The following LRP1B variants were observed in gnomAD, a reference collection of about 807,000 sequenced individuals.
LRP1B encodes the protein LDL receptor related protein 1B.
LRP1B carries 217 observed loss-of-function variants against 556.6 expected under a neutral mutation model. That is an observed-to-expected ratio of 0.39 (90% CI 0.35 to 0.44). LRP1B has a LOEUF of 0.44. Among genes scored for constraint, LRP1B ranks in the 20% least tolerant of loss-of-function variants. The probability of loss-of-function intolerance (pLI) is 1.00; values close to 1 mark genes in which losing one functional copy is unlikely to be tolerated. For synonymous variants in LRP1B, 2,047 were observed against 1,865.8 expected (o/e 1.10, Z -2.50); for missense variants, 5,053 against 5,620.8 (o/e 0.90, Z 3.23).
At position 140,702,436 on chromosome 2, in the gene LRP1B, G is replaced by A. The variant is rs1393351438; in HGVS notation, c.6141C>T (p.Ile2047=). ...MGIAWPNGIS[I]DYEENKLYWC... ...AAGAAATCCAACAGACCTCATAGTC[G>A]ATGGAGATGCCATTCGGCCATGCTA... The change falls in exon 38 of 91, where the codon ATC becomes ATT. Residue 2047 remains isoleucine, a synonymous_variant. Coordinates refer to ENST00000389484, the MANE Select transcript of LRP1B (RefSeq NM_018557.3). 3.1e-6 allele frequency: 5 copies of A among 1,613,380 alleles called. No homozygotes were observed. The highest frequency in any genetic ancestry group is 1.3e-5 in the African/African-American group (1 of 74,850).
intron 52 of LRP1B, among the ~76,000 whole-genome samples, chr2:140,509,335 G>C (rs1458697080): frequency 6.6e-6 from 1 of 152,082 alleles, no homozygotes. Context: ...TTTTACTGTT[G>C]AGTAATGCCC....
At chr2:140,796,198 CA>C (rs904845385) in intron 32 of LRP1B, among the ~76,000 whole-genome samples, 3 of 151,830 alleles carry the variant, frequency 2.0e-5, no homozygotes, top group Admixed American at 2.0e-4. Context: ...TAGCAGTTTA[CA>C]AAGAAGAAAC....
At chr2:141,418,414 T>C (rs997274600) in intron 3 of LRP1B, among the ~76,000 whole-genome samples, 1 of 150,282 alleles carries the variant, frequency 6.7e-6, no homozygotes, top group South Asian at 2.1e-4. Context: ...TTTTGTGTAG[T>C]GTAAAACAGA....
At chr2:140,911,581 C>T (rs1694420661) in intron 21 of LRP1B, among the ~76,000 whole-genome samples, 1 of 151,714 alleles carries the variant, frequency 6.6e-6, no homozygotes, top group Non-Finnish European at 1.5e-5. Context: ...GAAATATAAG[C>T]AAGCATAAAG....
intron 7 of LRP1B, among the ~76,000 whole-genome samples, chr2:141,095,806 G>T (rs1700283506): frequency 1.3e-5 from 2 of 152,006 alleles, no homozygotes; most frequent in Admixed American, 6.6e-5. Context: ...TGCTGGCTAG[G>T]CAGGTGTCTG....
At chr2:141,978,546 G>A (rs964408267) in intron 1 of LRP1B, among the ~76,000 whole-genome samples, 3 of 151,906 alleles carry the variant, frequency 2.0e-5, no homozygotes, top group Non-Finnish European at 4.4e-5. Flanking sequence ...CTTCTAGTGG[G>A]CTTTCAAAAG....
At chr2:140,850,603 G>A (rs539092024) in intron 28 of LRP1B, among the ~76,000 whole-genome samples, 6 of 152,034 alleles carry the variant, frequency 3.9e-5, no homozygotes, top group East Asian at 1.9e-4. Flanking sequence ...TTAGAATTTC[G>A]AAGTTGCTAA....
At chr2:141,708,874 G>A (rs979446120) in intron 2 of LRP1B, among the ~76,000 whole-genome samples, 12 of 152,110 alleles carry the variant, frequency 7.9e-5, no homozygotes, top group African/African-American at 2.7e-4. Context: ...TGCAAGCCAA[G>A]GAGAGAGGCC....
intron 18 of LRP1B, among the ~76,000 whole-genome samples, chr2:140,975,566 G>A (rs1474907025): frequency 2.0e-5 from 3 of 152,152 alleles, no homozygotes; most frequent in Non-Finnish European, 4.4e-5. Flanking sequence ...CTTTGACTAA[G>A]ATATAATATT....
intron 2 of LRP1B, among the ~76,000 whole-genome samples, chr2:141,538,661 C>A (rs1574058096): frequency 8.1e-6 from 1 of 124,100 alleles, no homozygotes; most frequent in Non-Finnish European, 1.9e-5. Context: ...TTTTGAGACA[C>A]AGTCTCGCTC....
At chr2:141,875,102 A>G (rs1297272250) in intron 1 of LRP1B, among the ~76,000 whole-genome samples, 1 of 151,716 alleles carries the variant, frequency 6.6e-6, no homozygotes, top group East Asian at 1.9e-4. Flanking sequence ...TGTGATGTAT[A>G]TATTATACAC....
At chr2:140,537,482 T>C (rs1238197447) in intron 45 of LRP1B, among the ~76,000 whole-genome samples, 1 of 151,964 alleles carries the variant, frequency 6.6e-6, no homozygotes, top group Non-Finnish European at 1.5e-5. Flanking sequence ...GTTATATTGT[T>C]TGGAAATATT....
At chr2:141,599,735 C>T (rs1448485903) in intron 2 of LRP1B, among the ~76,000 whole-genome samples, 1 of 151,700 alleles carries the variant, frequency 6.6e-6, no homozygotes, top group East Asian at 1.9e-4. Context: ...CAAAAACACT[C>T]GAATAGCAAT....
intron 15 of LRP1B, among the ~76,000 whole-genome samples, chr2:141,000,481 T>C (rs1293445546): frequency 1.3e-5 from 2 of 152,056 alleles, no homozygotes; most frequent in Non-Finnish European, 2.9e-5. Flanking sequence ...GAATATGGTA[T>C]AGGAGGGCTT....
At chr2:140,673,422 T>G (rs577035670) in intron 41 of LRP1B, among the ~76,000 whole-genome samples, 23 of 152,318 alleles carry the variant, frequency 1.5e-4, no homozygotes, top group African/African-American at 4.8e-4. Context: ...TCAATATTCT[T>G]CATGTCCACA....
At chr2:140,788,219 TCAA>T (rs1017650989) in intron 32 of LRP1B, among the ~76,000 whole-genome samples, 11 of 151,924 alleles carry the variant, frequency 7.2e-5, no homozygotes, top group South Asian at 2.1e-4. Flanking sequence ...AATGAATGAG[TCAA>T]CAACAACAAC....
At chr2:141,447,584 A>G (rs1293041026) in intron 3 of LRP1B, among the ~76,000 whole-genome samples, 4 of 151,934 alleles carry the variant, frequency 2.6e-5, no homozygotes, top group African/African-American at 9.7e-5. Flanking sequence ...GTGACCTTCG[A>G]ATGGGTTTTT....
chr2:141,976,701 C>A (rs887766984), intron 1 of LRP1B, among the ~76,000 whole-genome samples: 1 of 152,026 alleles, frequency 6.6e-6, no homozygotes, highest in Non-Finnish European at 1.5e-5. Context: ...GTGTCTGGGA[C>A]CTGCAGGCCT....
intron 25 of LRP1B, 106 bp from the exon 26 acceptor site, chr2:140,868,369 T>C (rs1693019336): frequency 6.6e-6 from 7 of 1,053,300 alleles, no homozygotes; most frequent in South Asian, 2.2e-5. Flanking sequence ...AGGTGATAAG[T>C]CACAAGAGAA....
Sources: allele counts gnomAD v4.1 joint callset (sites outside exome capture counted in the v4.1 genomes callset), GRCh38; gene constraint gnomAD v4.1.1; transcripts MANE v1.5; gene names NCBI Gene and HGNC (gene_info 2026-07-23, HGNC 2026-07-21).